Variants in ICE1 observed in about 807,000 individuals in gnomAD.
ICE1 encodes the protein interactor of little elongation complex ELL subunit 1, also known as little elongation complex subunit 1.
Under a neutral mutation model 192.7 loss-of-function variants are expected in ICE1, and 64 were observed. That is an observed-to-expected ratio of 0.33 (90% CI 0.27 to 0.41). ICE1 has a LOEUF of 0.41. ICE1 is among the 10% of genes least tolerant of loss of function. The pLI, the probability that ICE1 is intolerant of heterozygous loss-of-function variation, is 1.00. For missense variants in ICE1, 2,708 were observed against 2,696.0 expected, an observed-to-expected ratio of 1.00 and a Z score of -0.10; for synonymous variants, 1,010 against 984.5, an observed-to-expected ratio of 1.03 and a Z score of -0.49.
chr5:5,481,176 TA>T (rs982771302), intron 17 of ICE1, among the ~76,000 whole-genome samples: 17 of 152,164 alleles, frequency 1.1e-4, no homozygotes, highest in South Asian at 4.2e-4. Context: ...TTTTGAGAGT[TA>T]AAAAAAATTA....
In ICE1 at chr5:5,470,876, A is replaced by G. The variant is rs1251321934; in HGVS notation, c.6222+1888A>G. On this transcript the variant is annotated intron_variant, in intron 15 of 18. Coordinates refer to ENST00000296564, the MANE Select transcript of ICE1 (RefSeq NM_015325.3). ...AAATCACAGTCTTAAAAGTCAATGA[A>G]AAGGTAAACTCAGAATCAAATATCT... 2.0e-5 allele frequency among the ~76,000 whole-genome samples: 3 copies of G among 152,344 alleles called. No homozygotes were observed. The East Asian group carries it at 5.8e-4, about 29-fold the overall frequency.
In ICE1 at chr5:5,461,279, T is replaced by C. The variant is rs1241576233; in HGVS notation, c.1945T>C (p.Ser649Pro). ...LSVGSNPQSS[S>P]GLDCGNDTDI... ...TGTTGGCAGTAATCCCCAGTCTTCTTCTGGGTTAGACTGTGGTAATGATAC... is the reference window on the plus strand; with the variant it reads ...TGTTGGCAGTAATCCCCAGTCTTCTCCTGGGTTAGACTGTGGTAATGATAC... The change falls in exon 13 of 19, where the codon TCT becomes CCT. Residue 649 changes from serine to proline, a missense_variant. This residue lies in a region of ICE1 where 2,366 missense variants were observed against 2,276.6 expected (regional missense o/e 1.04). Transcript: ENST00000296564. 2 of 1,613,620 alleles carry C rather than the reference T, an allele frequency of 1.2e-6. No individual in the cohort carries two copies. Among genetic ancestry groups the C allele is most frequent in the East Asian group, 4.5e-5 (2 of 44,870 alleles).
rs748843945 is a variant in ICE1, at chr5:5,462,060, A to C, written c.2726A>C (p.Asp909Ala). 6.2e-7 allele frequency: 1 copy of C among 1,613,974 alleles called. No homozygotes were observed. Among genetic ancestry groups the C allele is most frequent in the Admixed American group, 1.7e-5 (1 of 60,032 alleles). The change falls in exon 13 of 19, where the codon GAT becomes GCT. Residue 909 changes from aspartate (D) to alanine (A), a missense_variant. By Grantham distance (126) the Asp-to-Ala change is moderately radical (BLOSUM62 -2). This residue lies in a region of ICE1 where 2,366 missense variants were observed against 2,276.6 expected (regional missense o/e 1.04). Transcript: ENST00000296564. ...STVAKCDGER[D>A]DTTQNITEVA... ...GTAGCAAAATGTGATGGGGAAAGAG[A>C]TGATACAACACAAAACATCACGGAG...
chr5:5,443,763 A>G (rs555296434), intron 6 of ICE1, among the ~76,000 whole-genome samples: 1 of 152,224 alleles, frequency 6.6e-6, no homozygotes, highest in Admixed American at 6.5e-5. Context: ...GTTATTCACA[A>G]CAAATGTGAG....
intron 1 of ICE1, among the ~76,000 whole-genome samples, chr5:5,426,574 A>G (rs757885761): frequency 6.6e-6 from 1 of 152,196 alleles, no homozygotes; most frequent in South Asian, 2.1e-4. Flanking sequence ...ACATGCTATC[A>G]TTAGAGTCAG....
chr5:5,466,147 C>G (rs998854699), intron 13 of ICE1, among the ~76,000 whole-genome samples, 187 bp from the exon 14 acceptor site: 1 of 152,148 alleles, frequency 6.6e-6, no homozygotes, highest in South Asian at 2.1e-4. Flanking sequence ...TTCAGTACCC[C>G]CGACCTCGAT....
intron 17 of ICE1, among the ~76,000 whole-genome samples, chr5:5,483,599 T>G (rs1561101765): frequency 6.6e-6 from 1 of 152,308 alleles, no homozygotes; most frequent in East Asian, 1.9e-4. Flanking sequence ...CCTAGAAAGA[T>G]TAAGCCCTTC....
chr5:5,462,191 A>G lies in ICE1; in HGVS notation c.2857A>G (p.Thr953Ala), dbSNP rs1738813071. The change falls in exon 13 of 19, where the codon ACA becomes GCA. Residue 953 changes from threonine (T) to alanine (A), a missense_variant. Physicochemically the swap from Thr to Ala is moderately conservative, Grantham distance 58 (BLOSUM62 0). This residue lies in a region of ICE1 where 2,366 missense variants were observed against 2,276.6 expected (regional missense o/e 1.04). Coordinates refer to ENST00000296564, the MANE Select transcript of ICE1 (RefSeq NM_015325.3). ...ACCAGTAGAAAATTCTGATTGTTCC[A>G]CAAATAGCAGATTATCTTTCTCTCC... ...SSPVENSDCS[T>A]NSRLSFSPEN... 11 of 1,611,880 alleles carry G rather than the reference A, an allele frequency of 6.8e-6. No individual in the cohort carries two copies. Among genetic ancestry groups the G allele is most frequent in the Non-Finnish European group, 8.5e-6 (10 of 1,178,602 alleles).
intron 11 of ICE1, among the ~76,000 whole-genome samples, chr5:5,455,255 G>A (rs898948507): frequency 6.6e-6 from 1 of 152,180 alleles, no homozygotes; most frequent in Non-Finnish European, 1.5e-5. Context: ...AAGACAGTTG[G>A]AAAAAATGTT....
At chr5:5,439,762 A>T in intron 3 of ICE1, 133 bp from the exon 4 acceptor site, 1 of 515,096 alleles carries the variant, frequency 1.9e-6, no homozygotes. Flanking sequence ...TTTTGAATAT[A>T]GTTTTCTAGT....
Position 5,461,277 on chromosome 5 carries a change from C to A in ICE1, c.1943C>A (p.Ser648Tyr), listed in dbSNP as rs1738768161. The A allele has an allele frequency of 6.2e-7, 1 of 1,613,706 alleles. No individual in the cohort carries two copies. The highest frequency in any genetic ancestry group is 8.5e-7 in the Non-Finnish European group (1 of 1,179,638). Residue 648 changes from serine (S) to tyrosine (Y), a missense_variant, in exon 13 of 19, where the codon TCT becomes TAT. Physicochemically the swap from Ser to Tyr is moderately radical, Grantham distance 144 (BLOSUM62 -2). Coordinates refer to ENST00000296564, the MANE Select transcript of ICE1 (RefSeq NM_015325.3). ...ALSVGSNPQS[S>Y]SGLDCGNDTD... is the part of the protein sequence containing the mutation. ...TCTGTTGGCAGTAATCCCCAGTCTT[C>A]TTCTGGGTTAGACTGTGGTAATGAT...
intron 7 of ICE1, among the ~76,000 whole-genome samples, chr5:5,445,938 T>TG (rs1434651720): frequency 6.6e-6 from 1 of 151,924 alleles, no homozygotes; most frequent in East Asian, 1.9e-4. Context: ...AGGCTGGTCT[T>TG]GAACTCCTAA....
Position 5,463,440 on chromosome 5 carries a change from C to T in ICE1, c.4106C>T (p.Pro1369Leu), listed in dbSNP as rs1376092547. The change falls in exon 13 of 19, where the codon CCA (proline) becomes CTA (leucine). Residue 1369 changes from proline to leucine, a missense_variant. This residue lies in a region of ICE1 where 2,366 missense variants were observed against 2,276.6 expected (regional missense o/e 1.04). Coordinates refer to ENST00000296564, the MANE Select transcript of ICE1 (RefSeq NM_015325.3). ...GEEDLPEPVE[P>L]SALCSDSVME... is the part of the protein sequence containing the mutation. ...GAAGACCTGCCAGAACCTGTGGAGCCATCAGCCTTGTGCTCTGACTCTGTG... is the reference window on the plus strand; with the variant it reads ...GAAGACCTGCCAGAACCTGTGGAGCTATCAGCCTTGTGCTCTGACTCTGTG... 1 of 1,613,092 alleles carries T rather than the reference C, an allele frequency of 6.2e-7. No individual in the cohort carries two copies. Among genetic ancestry groups the T allele is most frequent in the East Asian group, 2.2e-5 (1 of 44,848 alleles).
intron 1 of ICE1, among the ~76,000 whole-genome samples, chr5:5,432,534 A>G (rs929763466): frequency 6.6e-6 from 1 of 152,194 alleles, no homozygotes; most frequent in Non-Finnish European, 1.5e-5. Flanking sequence ...GTTCATACCT[A>G]GGAATGGGAC....
intron 5 of ICE1, 61 bp downstream of exon 5, chr5:5,441,284 T>G (rs1738046110): frequency 3.7e-6 from 4 of 1,084,632 alleles, no homozygotes; most frequent in Non-Finnish European, 5.5e-6. Flanking sequence ...GCTTATTCGG[T>G]ATAATTGGGA....
At chr5:5,439,289 C>A (rs749299395) in intron 3 of ICE1, among the ~76,000 whole-genome samples, 5 of 151,976 alleles carry the variant, frequency 3.3e-5, no homozygotes, top group African/African-American at 1.2e-4. Flanking sequence ...TTTTTATGAA[C>A]GTACATGTCC....
At chr5:5,466,288 A>G in intron 13 of ICE1, 46 bp from the exon 14 acceptor site, 1 of 1,489,506 alleles carries the variant, frequency 6.7e-7, no homozygotes, top group Non-Finnish European at 9.0e-7. Flanking sequence ...TAGGCTGAAG[A>G]TAAGTATGAG....
chr5:5,437,932 A>T (rs1579543005), intron 3 of ICE1: 2 of 152,364 alleles, frequency 1.3e-5, no homozygotes, highest in East Asian at 3.9e-4. Flanking sequence ...AATATGATTT[A>T]TGTCATACCT....
chr5:5,484,804 T>C (rs1384990496), intron 17 of ICE1, among the ~76,000 whole-genome samples: 2 of 152,176 alleles, frequency 1.3e-5, no homozygotes, highest in East Asian at 1.9e-4. Flanking sequence ...TGGATCCACA[T>C]ATAGACCTGT....
Sources: gnomAD v4.1 joint callset for allele counts (sites outside exome capture counted in the v4.1 genomes callset) on GRCh38, gnomAD v4.1.1 for gene constraint, gnomAD v4.1.1 regional missense constraint, MANE v1.5 for transcripts, NCBI Gene and HGNC (gene_info 2026-07-23, HGNC 2026-07-21) for gene names.